The following DCAF8 variants were observed in gnomAD, a reference collection of about 807,000 sequenced individuals.
DCAF8 encodes the protein DDB1- and CUL4-associated factor 8.
DCAF8 carries 20 observed loss-of-function variants against 68.0 expected under a neutral mutation model. That is an observed-to-expected ratio of 0.29 (90% confidence interval 0.21 to 0.43). DCAF8 has a LOEUF of 0.43. DCAF8 is among the 20% of genes least tolerant of loss of function. DCAF8 has a pLI of 1.00. For missense variants in DCAF8, 460 were observed against 771.0 expected, an observed-to-expected ratio of 0.60 and a Z score of 4.78; for synonymous variants, 230 against 276.9, an observed-to-expected ratio of 0.83 and a Z score of 1.68.
chr1:160,226,897 T>A (rs1655494585), intron 7 of DCAF8, among the ~76,000 whole-genome samples: 1 of 152,214 alleles, frequency 6.6e-6, no homozygotes, highest in Non-Finnish European at 1.5e-5. Flanking sequence ...ATAAGTGTGG[T>A]CTGCAGACAC....
chr1:160,228,991 G>C (rs1655573027), intron 7 of DCAF8, among the ~76,000 whole-genome samples: 1 of 152,062 alleles, frequency 6.6e-6, no homozygotes, highest in South Asian at 2.1e-4. Flanking sequence ...GCTTGTGTAG[G>C]ATCAGCGTGC....
chr1:160,236,737 T>C (rs769614225), intron 6 of DCAF8, among the ~76,000 whole-genome samples: 8 of 152,234 alleles, frequency 5.3e-5, no homozygotes, highest in Non-Finnish European at 1.0e-4. Context: ...CCAGTATTTT[T>C]GTTCAAATTT....
At chr1:160,219,136 G>C in intron 11 of DCAF8, 168 bp from the exon 12 acceptor site, 1 of 815,322 alleles carries the variant, frequency 1.2e-6, no homozygotes, top group Non-Finnish European at 1.9e-6. Context: ...TGAGGGTAGA[G>C]AAACCAGACA....
chr1:160,249,563 CAGG>C lies in DCAF8; in HGVS notation c.-26-5532_-26-5530del, dbSNP rs1656495546. Among the ~76,000 whole-genome samples the C allele has an allele frequency of 3.9e-5, 6 of 152,244 alleles. No individual in the cohort carries two copies. The South Asian group carries it at 1.2e-3, about 32-fold the overall frequency. ...ATCCCAGCAATTTGGGAGGCTGAGG[CAGG>C]AGGACTGCTTGAGCCCAGGAATTAA... On this transcript the variant is annotated intron_variant, in intron 2 of 13. Transcript: ENST00000368074.
intron 2 of DCAF8, among the ~76,000 whole-genome samples, chr1:160,260,327 A>G (rs1657036601): frequency 6.6e-6 from 1 of 152,186 alleles, no homozygotes; most frequent in Non-Finnish European, 1.5e-5. Flanking sequence ...AAGTCTGTCC[A>G]ATCTCTAAAG....
At chr1:160,258,030 C>A (rs1423293683) in intron 2 of DCAF8, among the ~76,000 whole-genome samples, 1 of 152,200 alleles carries the variant, frequency 6.6e-6, no homozygotes, top group Non-Finnish European at 1.5e-5. Context: ...CGCACTCAGC[C>A]TGGCAGATTC....
At chr1:160,262,149 G>A (rs923051748) in intron 1 of DCAF8, 1 of 394,204 alleles carries the variant, frequency 2.5e-6, no homozygotes, top group Non-Finnish European at 4.5e-6. Flanking sequence ...TCCCAGCGAT[G>A]ACTTCGGGTC....
rs1423270929 is a variant in DCAF8 at position 160,218,834 on chromosome 1, C to T, written c.1560+15G>A. The T allele has an allele frequency of 6.2e-7, 1 of 1,613,622 alleles. No individual in the cohort carries two copies. Among genetic ancestry groups the T allele is most frequent in the African/African-American group, 1.3e-5 (1 of 74,890 alleles). On this transcript the variant is annotated intron_variant, in intron 12 of 13. Coordinates refer to ENST00000368074, the MANE Select transcript of DCAF8 (RefSeq NM_015726.4). ...ATAAGCAGAAAGAAAATAACTTCTG[C>T]AGTCAGCCACTTACATCTTTTAACC...
chr1:160,245,329 A>G (rs1156383359), intron 2 of DCAF8, among the ~76,000 whole-genome samples: 1 of 152,240 alleles, frequency 6.6e-6, no homozygotes, highest in African/African-American at 2.4e-5. Flanking sequence ...CTTGGACAAA[A>G]GGCACTAGTA....
chr1:160,239,440 C>A (rs553870277), intron 4 of DCAF8: 1 of 1,436,154 alleles, frequency 7.0e-7, no homozygotes, highest in Admixed American at 2.8e-5. Context: ...TTATACTACA[C>A]TGCCTCCTAC....
chr1:160,262,245 G>A (rs896482391), intron 1 of DCAF8: 26 of 398,510 alleles, frequency 6.5e-5, no homozygotes, highest in African/African-American at 3.7e-4. Flanking sequence ...AGCGAGGGGG[G>A]GCGCAGGCCG....
chr1:160,251,480 T>C (rs1571110795), intron 2 of DCAF8, among the ~76,000 whole-genome samples: 1 of 152,256 alleles, frequency 6.6e-6, no homozygotes, highest in East Asian at 1.9e-4. Context: ...TTTGCAGATG[T>C]TCTTTTTTTT....
At position 160,237,123 on chromosome 1, in the gene DCAF8, T is replaced by A; in HGVS notation, c.959+12A>T. On this transcript the variant is annotated intron_variant, in intron 6 of 13. Transcript: ENST00000368074. ...AGATACAGTTCTGTAATGATATTAC[T>A]GCTACACTTACGACGCTGGGCGGTC... 6.5e-7 allele frequency: 1 copy of A among 1,538,994 alleles called. No homozygotes were observed. Among genetic ancestry groups the A allele is most frequent in the Non-Finnish European group, 8.8e-7 (1 of 1,133,300 alleles).
Position 160,225,058 on chromosome 1 carries a change from G to A in DCAF8, c.1201+4C>T, listed in dbSNP as rs749447355. ...AGCCTAGGAGCTGGGCCCTGCTCAC[G>A]TACCTGTGCCGTCGTGGCTGTACAC... On this transcript the variant is annotated splice_donor_region_variant and intron_variant, in intron 9 of 13. Coordinates refer to ENST00000368074, the MANE Select transcript of DCAF8 (RefSeq NM_015726.4). 24 of 1,614,052 alleles carry A rather than the reference G, an allele frequency of 1.5e-5. No individual in the cohort carries two copies. Among genetic ancestry groups the A allele is most frequent in the Middle Eastern group, 1.6e-4 (1 of 6,084 alleles).
chr1:160,219,682 T>TCA (rs1270739158), intron 11 of DCAF8: 2 of 152,054 alleles, frequency 1.3e-5, no homozygotes, highest in Non-Finnish European at 2.9e-5. Context: ...CTGGGTAAAT[T>TCA]CACTGAACAA....
At chr1:160,227,070 G>A (rs983388567) in intron 7 of DCAF8, among the ~76,000 whole-genome samples, 4 of 152,194 alleles carry the variant, frequency 2.6e-5, no homozygotes, top group Non-Finnish European at 5.9e-5. Flanking sequence ...CCAGAAAAAT[G>A]CACATAAGCA....
intron 11 of DCAF8, among the ~76,000 whole-genome samples, chr1:160,221,724 T>C (rs991889059): frequency 6.7e-6 from 1 of 150,030 alleles, no homozygotes; most frequent in Non-Finnish European, 1.5e-5. Flanking sequence ...GCAATCAGTA[T>C]AATTTAGTCT....
At chr1:160,226,734 C>G (rs1487713854) in intron 7 of DCAF8, among the ~76,000 whole-genome samples, 1 of 152,176 alleles carries the variant, frequency 6.6e-6, no homozygotes, top group Non-Finnish European at 1.5e-5. Flanking sequence ...AAAGAACAAT[C>G]AACATTCAAT....
intron 2 of DCAF8, 114 bp from the exon 3 acceptor site, chr1:160,244,148 T>G: frequency 2.5e-6 from 2 of 802,444 alleles, no homozygotes; most frequent in South Asian, 3.2e-5. Context: ...TAAAAATGAT[T>G]TGTGTATGCA....
Sources: gnomAD v4.1 joint callset for allele counts (sites outside exome capture counted in the v4.1 genomes callset) on GRCh38, gnomAD v4.1.1 for gene constraint, MANE v1.5 for transcripts, NCBI Gene and HGNC (gene_info 2026-07-23, HGNC 2026-07-21) for gene names.